GALNTL6: variants seen among roughly 807,000 people sequenced by gnomAD.
The protein encoded by GALNTL6 is polypeptide N-acetylgalactosaminyltransferase-like 6.
Under a neutral mutation model 73.7 loss-of-function variants are expected in GALNTL6, and 46 were observed. The ratio of observed to expected loss-of-function variants is 0.62; its 90% CI spans 0.49 to 0.80. The LOEUF (loss-of-function observed/expected upper bound fraction) is 0.80, where lower values mean the gene tolerates loss of function less well. Among genes scored for constraint, GALNTL6 ranks in the 30% least tolerant of loss-of-function variants. The pLI is 0.00. For synonymous variants in GALNTL6, 259 were observed against 263.7 expected, an observed-to-expected ratio of 0.98 and a Z score of 0.17; for missense variants, 604 against 755.0, an observed-to-expected ratio of 0.80 and a Z score of 2.34.
Position 172,240,757 on chromosome 4 carries a change from T to A in GALNTL6, c.247+10993T>A, listed in dbSNP as rs567740493. ...CAGTTCTTGATCCATTTTATTGTCA[T>A]CCTTAGATTCCTTGGATTGAGTTTT... On this transcript the variant is annotated intron_variant, in intron 3 of 12. Coordinates refer to ENST00000506823, the MANE Select transcript of GALNTL6 (RefSeq NM_001034845.3). Among the ~76,000 whole-genome samples the A allele has an allele frequency of 4.6e-5, 7 of 152,336 alleles. No homozygotes were observed. The South Asian group carries it at 6.2e-4, about 14-fold the overall frequency.
chr4:172,297,838 CT>C (rs1561012454), intron 3 of GALNTL6, among the ~76,000 whole-genome samples: 1 of 151,906 alleles, frequency 6.6e-6, no homozygotes, highest in South Asian at 2.1e-4. Context: ...AATGTGGGCT[CT>C]TTTTTGGTTC....
At chr4:172,626,269 T>C (rs1355170247) in intron 5 of GALNTL6, among the ~76,000 whole-genome samples, 1 of 152,126 alleles carries the variant, frequency 6.6e-6, no homozygotes, top group African/African-American at 2.4e-5. Flanking sequence ...ATATATTGAA[T>C]AGAAAGTCCT....
intron 2 of GALNTL6, among the ~76,000 whole-genome samples, chr4:172,014,089 T>C (rs943926025): frequency 1.3e-5 from 2 of 152,122 alleles, no homozygotes; most frequent in Admixed American, 1.3e-4. Context: ...CCATTGTGCA[T>C]ATATGCCACA....
At chr4:172,531,756 C>G (rs934745083) in intron 5 of GALNTL6, among the ~76,000 whole-genome samples, 6 of 152,170 alleles carry the variant, frequency 3.9e-5, no homozygotes, top group African/African-American at 1.4e-4. Context: ...ACACTCTACT[C>G]CACACCTTTC....
chr4:172,227,525 T>C (rs998632564), intron 2 of GALNTL6, among the ~76,000 whole-genome samples: 5 of 152,146 alleles, frequency 3.3e-5, no homozygotes, highest in Non-Finnish European at 7.4e-5. Context: ...CTGCCCCTTA[T>C]TAAAAATGGT....
At chr4:172,210,848 T>C (rs1736300787) in intron 2 of GALNTL6, among the ~76,000 whole-genome samples, 1 of 152,198 alleles carries the variant, frequency 6.6e-6, no homozygotes, top group East Asian at 1.9e-4. Context: ...TTTCCCACTT[T>C]ATTTATTTAT....
chr4:172,392,248 CA>C (rs1743688750), intron 5 of GALNTL6, among the ~76,000 whole-genome samples: 1 of 152,120 alleles, frequency 6.6e-6, no homozygotes, highest in Admixed American at 6.5e-5. Context: ...CTTGACCTCC[CA>C]AAATGCTGGA....
At chr4:172,256,304 A>G (rs2111026211) in intron 3 of GALNTL6, among the ~76,000 whole-genome samples, 1 of 151,142 alleles carries the variant, frequency 6.6e-6, no homozygotes, top group Middle Eastern at 3.4e-3. Flanking sequence ...AACACTCCAG[A>G]CTCCGTCATT....
chr4:172,915,117 A>T (rs1355520332), intron 8 of GALNTL6, among the ~76,000 whole-genome samples: 1 of 152,230 alleles, frequency 6.6e-6, no homozygotes, highest in Non-Finnish European at 1.5e-5. Context: ...TCACAACTAC[A>T]TGGAAACTGA....
intron 2 of GALNTL6, among the ~76,000 whole-genome samples, chr4:171,934,307 A>G (rs1738276134): frequency 6.6e-6 from 1 of 152,244 alleles, no homozygotes; most frequent in African/African-American, 2.4e-5. Context: ...CAGTGAATGC[A>G]CATTCATGGA....
chr4:172,023,759 A>G (rs1365326235), intron 2 of GALNTL6, among the ~76,000 whole-genome samples: 1 of 151,906 alleles, frequency 6.6e-6, no homozygotes, highest in Non-Finnish European at 1.5e-5. Flanking sequence ...CATTCTTTAT[A>G]TTCGAGTAAG....
At chr4:172,745,446 T>TATATATATACACAC (rs34523518) in intron 5 of GALNTL6, among the ~76,000 whole-genome samples, 17,572 of 145,018 alleles carry the variant, frequency 0.12, 2,156 homozygotes, top group African/African-American at 0.3. Context: ...TATATATATG[T>TATATATATACACAC]ACACATAACT....
chr4:172,469,141 A>G (rs1218249737), intron 5 of GALNTL6, among the ~76,000 whole-genome samples: 1 of 152,186 alleles, frequency 6.6e-6, no homozygotes, highest in African/African-American at 2.4e-5. Flanking sequence ...GGGGACAAAG[A>G]ACAGGAATGG....
intron 2 of GALNTL6, among the ~76,000 whole-genome samples, chr4:171,888,998 CT>C (rs1736684291): frequency 6.6e-6 from 1 of 152,008 alleles, no homozygotes; most frequent in South Asian, 2.1e-4. Flanking sequence ...TTGATCCACA[CT>C]TCAAAGCCTT....
intron 2 of GALNTL6, among the ~76,000 whole-genome samples, chr4:172,057,719 AAAAAAAAAATATATATAT>A (rs1276687344): frequency 1.6e-4 from 10 of 61,132 alleles, no homozygotes; most frequent in African/African-American, 4.3e-4. Context: ...AAAAAAAAAA[AAAAAAAAAATATATATAT>A]ATATATATAT....
At chr4:172,362,417 G>A (rs1307095443) in intron 5 of GALNTL6, among the ~76,000 whole-genome samples, 1 of 151,748 alleles carries the variant, frequency 6.6e-6, no homozygotes, top group Admixed American at 6.6e-5. Flanking sequence ...TTTAATATTG[G>A]ACCCTCTCTG....
intron 7 of GALNTL6, among the ~76,000 whole-genome samples, chr4:172,867,680 A>G (rs1210516952): frequency 1.3e-5 from 2 of 152,246 alleles, no homozygotes; most frequent in Non-Finnish European, 2.9e-5. Flanking sequence ...TTAATTCTCC[A>G]GACAATATCA....
At chr4:171,886,398 T>C (rs1736609015) in intron 2 of GALNTL6, among the ~76,000 whole-genome samples, 1 of 152,222 alleles carries the variant, frequency 6.6e-6, no homozygotes, top group Admixed American at 6.5e-5. Flanking sequence ...TAAAACTTAC[T>C]ACAGACAAAA....
chr4:172,225,156 A>G (rs1346082968), intron 2 of GALNTL6, among the ~76,000 whole-genome samples: 1 of 152,048 alleles, frequency 6.6e-6, no homozygotes, highest in Non-Finnish European at 1.5e-5. Context: ...GTAATCAAAC[A>G]GAGGACGCAT....
Sources: allele counts gnomAD v4.1 joint callset (sites outside exome capture counted in the v4.1 genomes callset), GRCh38; gene constraint gnomAD v4.1.1; transcripts MANE v1.5; gene names NCBI Gene and HGNC (gene_info 2026-07-23, HGNC 2026-07-21).